Variants in RALGAPA2 observed in about 807,000 individuals in gnomAD.
RALGAPA2 encodes ral GTPase-activating protein subunit alpha-2.
In RALGAPA2, 139 loss-of-function variants were observed where a neutral mutation model predicts 230.4. The ratio of observed to expected loss-of-function variants is 0.60; its 90% CI spans 0.53 to 0.69. The LOEUF (loss-of-function observed/expected upper bound fraction) is 0.69. Among genes scored for constraint, RALGAPA2 ranks in the 30% least tolerant of loss-of-function variants. The pLI is 0.00. For missense variants in RALGAPA2, 2,163 were observed against 2,276.0 expected (o/e 0.95, Z 1.01); for synonymous variants, 847 against 837.8 (o/e 1.01, Z -0.19).
At chr20:20,427,142 A>G (rs2060400725) in intron 37 of RALGAPA2, among the ~76,000 whole-genome samples, 1 of 152,166 alleles carries the variant, frequency 6.6e-6, no homozygotes, top group Non-Finnish European at 1.5e-5. Context: ...CAGAAGACCC[A>G]GTTCCATCTA....
At chr20:20,623,903 A>C (rs1198966973) in intron 10 of RALGAPA2, among the ~76,000 whole-genome samples, 1 of 152,172 alleles carries the variant, frequency 6.6e-6, no homozygotes, top group Non-Finnish European at 1.5e-5. Flanking sequence ...CAAATTATAC[A>C]ACTGAAGTCC....
chr20:20,423,745 T>C (rs1446861598), intron 37 of RALGAPA2, among the ~76,000 whole-genome samples: 1 of 152,178 alleles, frequency 6.6e-6, no homozygotes, highest in Non-Finnish European at 1.5e-5. Flanking sequence ...TCATTGAAAG[T>C]AAATGTCACA....
chr20:20,405,921 G>C (rs147614312), intron 38 of RALGAPA2, among the ~76,000 whole-genome samples: 39 of 152,290 alleles, frequency 2.6e-4, no homozygotes, highest in African/African-American at 7.5e-4. Flanking sequence ...ATTCCTTTCT[G>C]TCCTCCTTTC....
rs756407474 is a variant in RALGAPA2, at chr20:20,605,157, C to A, written c.2038+18G>T. On this transcript the variant is annotated intron_variant, in intron 15 of 39. Coordinates refer to ENST00000202677, the MANE Select transcript of RALGAPA2 (RefSeq NM_020343.4). ...CCAGTCCTAGACATCTGGTGTTAAC[C>A]TGGAAGAGTGGAAATACCTTTGCCT... is the stretch of plus-strand genomic sequence containing the variant. The A allele has an allele frequency of 1.0e-5, 16 of 1,567,134 alleles. No homozygotes were observed. The East Asian group carries it at 2.9e-4, about 29-fold the overall frequency.
At chr20:20,628,635 C>T (rs2066569108) in intron 10 of RALGAPA2, among the ~76,000 whole-genome samples, 1 of 152,142 alleles carries the variant, frequency 6.6e-6, no homozygotes, top group African/African-American at 2.4e-5. Context: ...TAACAACATC[C>T]CTGGCTGCGA....
chr20:20,654,320 C>G (rs932153647), intron 3 of RALGAPA2, among the ~76,000 whole-genome samples: 1 of 152,164 alleles, frequency 6.6e-6, no homozygotes, highest in East Asian at 1.9e-4. Flanking sequence ...TCCCAAGTAG[C>G]TGGGATTACA....
intron 23 of RALGAPA2, among the ~76,000 whole-genome samples, chr20:20,562,249 A>G (rs1177837581): frequency 6.6e-6 from 1 of 152,116 alleles, no homozygotes; most frequent in Non-Finnish European, 1.5e-5. Flanking sequence ...TCTCTGGGAA[A>G]AGACAGAATG....
intron 18 of RALGAPA2, among the ~76,000 whole-genome samples, chr20:20,585,574 T>C (rs1006770517): frequency 2.0e-5 from 3 of 152,170 alleles, no homozygotes; most frequent in Non-Finnish European, 4.4e-5. Context: ...ATAAACTGCC[T>C]CTGAAGGGGA....
intron 23 of RALGAPA2, among the ~76,000 whole-genome samples, chr20:20,562,342 C>T (rs1445460318): frequency 6.6e-6 from 1 of 152,120 alleles, no homozygotes; most frequent in Non-Finnish European, 1.5e-5. Flanking sequence ...CAGAGAGAAA[C>T]CTCAGAGCAA....
At chr20:20,394,406 G>GTGGGCGGATCGCTTCAGCCGGGCGCA in intron 39 of RALGAPA2, among the ~76,000 whole-genome samples, 1 of 151,988 alleles carries the variant, frequency 6.6e-6, no homozygotes, top group South Asian at 2.1e-4. Flanking sequence ...AGCCGGGCGC[G>GTGGGCGGATCGCTTCAGCCGGGCGCA]GTGGGCGGAT....
intron 23 of RALGAPA2, among the ~76,000 whole-genome samples, chr20:20,570,636 T>C (rs377279310): frequency 2.0e-5 from 3 of 152,232 alleles, no homozygotes; most frequent in Admixed American, 6.5e-5. Flanking sequence ...TTAGTTCTTA[T>C]CATTTTTTTA....
intron 37 of RALGAPA2, among the ~76,000 whole-genome samples, chr20:20,452,706 C>A (rs2061016061): frequency 6.6e-6 from 1 of 152,238 alleles, no homozygotes; most frequent in Admixed American, 6.5e-5. Flanking sequence ...ACAACAGCCT[C>A]AAGAGTAGAA....
chr20:20,395,881 C>A (rs1224003322), intron 39 of RALGAPA2, among the ~76,000 whole-genome samples: 1 of 152,216 alleles, frequency 6.6e-6, no homozygotes, highest in African/African-American at 2.4e-5. Context: ...CCACTGTGGG[C>A]GACAGGCTCA....
At position 20,657,256 on chromosome 20, in the gene RALGAPA2, A is replaced by C. The variant is rs1038712793; in HGVS notation, c.271-3669T>G. 3.9e-5 allele frequency among the ~76,000 whole-genome samples: 6 copies of C among 152,310 alleles called. No individual in the cohort carries two copies. In the South Asian group the frequency reaches 8.3e-4, roughly 21 times the overall value. On this transcript the variant is annotated intron_variant, in intron 3 of 39. Coordinates refer to ENST00000202677, the MANE Select transcript of RALGAPA2 (RefSeq NM_020343.4). ...CAGCCTAGCGGAAGCTCCAGAGCAA[A>C]GATGAGAGGAGTCCAGTGTGACCAG...
intron 13 of RALGAPA2, among the ~76,000 whole-genome samples, chr20:20,613,434 C>A (rs6137076): frequency 0.017 from 2,523 of 152,300 alleles, 93 homozygotes; most frequent in East Asian, 0.14. Context: ...CTGGCTACAG[C>A]CCTGGTCTCA....
At chr20:20,396,027 A>G (rs564647606) in intron 39 of RALGAPA2, among the ~76,000 whole-genome samples, 1 of 152,340 alleles carries the variant, frequency 6.6e-6, no homozygotes, top group South Asian at 2.1e-4. Context: ...GTTTTCAGAC[A>G]GCCTTGCCAA....
chr20:20,524,603 A>T lies in RALGAPA2; in HGVS notation c.3763-60T>A. On this transcript the variant is annotated intron_variant, in intron 29 of 39. Coordinates refer to ENST00000202677, the MANE Select transcript of RALGAPA2 (RefSeq NM_020343.4). ...AGTCTCTTAAACCTCACTACATGTA[A>T]TAATAAGAGAATTATCCCTACACCC... The T allele has an allele frequency of 1.9e-6, 3 of 1,592,274 alleles. No homozygotes were observed. The Admixed American group carries it at 5.0e-5, about 27-fold the overall frequency.
chr20:20,520,358 G>T (rs1365176650), intron 31 of RALGAPA2, among the ~76,000 whole-genome samples: 1 of 152,160 alleles, frequency 6.6e-6, no homozygotes, highest in Non-Finnish European at 1.5e-5. Context: ...GGGGAGAGGG[G>T]TGCTTAAGTA....
intron 20 of RALGAPA2, among the ~76,000 whole-genome samples, chr20:20,580,307 A>C (rs2145993818): frequency 6.6e-6 from 1 of 152,266 alleles, no homozygotes; most frequent in East Asian, 1.9e-4. Flanking sequence ...AGGGTTAGCT[A>C]ATTCCTAGAG....
Sources: allele counts gnomAD v4.1 joint callset (sites outside exome capture counted in the v4.1 genomes callset), GRCh38; gene constraint gnomAD v4.1.1; transcripts MANE v1.5; gene names NCBI Gene and HGNC (gene_info 2026-07-23, HGNC 2026-07-21).